The following KIF5B variants were observed in gnomAD, a reference collection of about 807,000 sequenced individuals.
KIF5B encodes kinesin family member 5B.
KIF5B carries 49 observed loss-of-function variants against 132.8 expected under a neutral mutation model. That is an observed-to-expected ratio of 0.37 (90% CI 0.29 to 0.47). The LOEUF (loss-of-function observed/expected upper bound fraction) is 0.47. KIF5B is among the 20% of genes least tolerant of loss of function. The pLI is 1.00. For missense variants in KIF5B, 780 were observed against 1,144.0 expected, an observed-to-expected ratio of 0.68 and a Z score of 4.59; for synonymous variants, 355 against 369.4, an observed-to-expected ratio of 0.96 and a Z score of 0.45.
chr10:32,017,212 CTTG>C lies in KIF5B; in HGVS notation c.2689_2691del (p.Gln897del). ...ACTGCTTCCTTTATGCGATCTACTT[CTTG>C]CTGATAGCGTTTGCGATCACGAGAT... On this transcript the variant is annotated inframe_deletion, in exon 24 of 26. Coordinates refer to ENST00000302418, the MANE Select transcript of KIF5B (RefSeq NM_004521.3). 1 of 1,614,248 alleles carries C rather than the reference CTTG, an allele frequency of 6.2e-7. No homozygotes were observed. The highest frequency in any genetic ancestry group is 8.5e-7 in the Non-Finnish European group (1 of 1,180,052).
At position 32,034,769 on chromosome 10, in the gene KIF5B, A is replaced by G. The variant is rs1171185515; in HGVS notation, c.1032T>C (p.Tyr344=). Residue 344 remains tyrosine (Y), a synonymous_variant, in exon 11 of 26, where the codon TAT becomes TAC. Coordinates refer to ENST00000302418, the MANE Select transcript of KIF5B (RefSeq NM_004521.3). ...TCTTATTTTTTTCTTTTTCTTTTTCATACTTCTTTTTCCACTGTTCTGCAG... is the reference window on the plus strand; with the variant it reads ...TCTTATTTTTTTCTTTTTCTTTTTCGTACTTCTTTTTCCACTGTTCTGCAG... ...ELTAEQWKKK[Y]EKEKEKNKIL... is the part of the protein sequence containing the mutation. The G allele has an allele frequency of 2.5e-6, 4 of 1,610,162 alleles. No individual in the cohort carries two copies. The highest frequency in any genetic ancestry group is 3.4e-6 in the Non-Finnish European group (4 of 1,178,330).
At chr10:32,042,552 A>T (rs1352071352) in intron 2 of KIF5B, among the ~76,000 whole-genome samples, 1 of 152,174 alleles carries the variant, frequency 6.6e-6, no homozygotes, top group Non-Finnish European at 1.5e-5. Flanking sequence ...CTGTCAACTC[A>T]AAGTCAGGAC....
At chr10:32,013,509 C>CA (rs1841113502) in intron 25 of KIF5B, among the ~76,000 whole-genome samples, 1 of 152,112 alleles carries the variant, frequency 6.6e-6, no homozygotes. Flanking sequence ...GGTGCTCATT[C>CA]AAGATCAGAA....
intron 1 of KIF5B, among the ~76,000 whole-genome samples, chr10:32,055,235 G>C (rs1000677310): frequency 2.6e-5 from 4 of 151,046 alleles, no homozygotes; most frequent in African/African-American, 9.7e-5. Flanking sequence ...TTTGCCATTT[G>C]TAGTTGTTAA....
intron 1 of KIF5B, among the ~76,000 whole-genome samples, chr10:32,055,202 C>T (rs1841737516): frequency 6.6e-6 from 1 of 151,646 alleles, no homozygotes; most frequent in South Asian, 2.1e-4. Context: ...AAAAGCTCAA[C>T]TATTTCTTTC....
At position 32,018,528 on chromosome 10, in the gene KIF5B, CTT is replaced by C. The variant is rs1440545091; in HGVS notation, c.2339_2340del (p.Gln780ArgfsTer32). On this transcript the variant is annotated frameshift_variant, in exon 21 of 26. Transcript: ENST00000302418. LOFTEE classifies it high-confidence loss of function. ...VMQDRREQAR[Q>X]DLKGLEETVA... ...ACTGTCTCTTCCAAACCCTTCAAGTCTTGTCTTGCTTGTTCTCGTCTATCTTG... is the reference window on the plus strand; with the variant it reads ...ACTGTCTCTTCCAAACCCTTCAAGTCGTCTTGCTTGTTCTCGTCTATCTTG... 1.2e-6 allele frequency: 2 copies of C among 1,613,450 alleles called. No homozygotes were observed. Among genetic ancestry groups the C allele is most frequent in the Non-Finnish European group, 8.5e-7 (1 of 1,179,626 alleles).
intron 25 of KIF5B, among the ~76,000 whole-genome samples, chr10:32,015,299 G>T (rs982264106): frequency 1.3e-5 from 2 of 151,952 alleles, no homozygotes; most frequent in Non-Finnish European, 2.9e-5. Context: ...ATTACAAATG[G>T]TCCAATGCTA....
At chr10:32,030,315 G>A (rs750344078) in intron 14 of KIF5B, among the ~76,000 whole-genome samples, 38 of 152,094 alleles carry the variant, frequency 2.5e-4, no homozygotes, top group African/African-American at 4.8e-4. Flanking sequence ...TCAGGAGCTC[G>A]AGACCAGCCT....
chr10:32,053,210 A>AT (rs1841715057), intron 1 of KIF5B, among the ~76,000 whole-genome samples: 1 of 152,158 alleles, frequency 6.6e-6, no homozygotes, highest in African/African-American at 2.4e-5. Flanking sequence ...TTACCCACAG[A>AT]TTTTCCAATT....
intron 1 of KIF5B, among the ~76,000 whole-genome samples, chr10:32,052,574 A>AT (rs998649797): frequency 5.3e-5 from 8 of 152,098 alleles, no homozygotes; most frequent in Non-Finnish European, 1.0e-4. Flanking sequence ...GATAGATGTA[A>AT]TTTTTTTATT....
rs777615546 is a variant in KIF5B at position 32,035,635 on chromosome 10, T to G, written c.849A>C (p.Thr283=). 1 of 1,613,016 alleles carries G rather than the reference T, an allele frequency of 6.2e-7. No individual in the cohort carries two copies. The highest frequency in any genetic ancestry group is 8.5e-7 in the Non-Finnish European group (1 of 1,179,368). Residue 283 remains threonine (T), a synonymous_variant, in exon 10 of 26, where the codon ACA becomes ACC. Coordinates refer to ENST00000302418, the MANE Select transcript of KIF5B (RefSeq NM_004521.3). ...CACCTAATGAATCTTGAAGGATTCTTGTCATTTTACTATCTCGATATGGAA... is the reference window on the plus strand; with the variant it reads ...CACCTAATGAATCTTGAAGGATTCTGGTCATTTTACTATCTCGATATGGAA... The part of the protein sequence containing the change: ...TYVPYRDSKM[T]RILQDSLGGN...
chr10:32,056,143 A>G lies in KIF5B; in HGVS notation c.-170T>C, dbSNP rs770077652. ...GCGGCCGGGGAGCCGGGACTTGAAG[A>G]GCCGGCGCCGGCAGCCGTTAACCCT... On this transcript the variant is annotated 5_prime_UTR_variant, in exon 1 of 26. Coordinates refer to ENST00000302418, the MANE Select transcript of KIF5B (RefSeq NM_004521.3). The G allele has an allele frequency of 3.0e-3, 2,127 of 704,794 alleles. 5 individuals carry two copies. The highest frequency in any genetic ancestry group is 3.6e-3 in the Non-Finnish European group (1,617 of 443,080). The allele number at this position is 704,794 out of a possible 1,614,324, so 43.7% of individuals were successfully genotyped here.
At chr10:32,024,436 G>A (rs1323668109) in intron 15 of KIF5B, among the ~76,000 whole-genome samples, 5 of 149,376 alleles carry the variant, frequency 3.3e-5, no homozygotes, top group African/African-American at 4.9e-5. Flanking sequence ...TTACAGGCGT[G>A]AGCCACCGCG....
chr10:32,017,773 G>C (rs927025457), intron 23 of KIF5B, among the ~76,000 whole-genome samples: 2 of 152,154 alleles, frequency 1.3e-5, no homozygotes, highest in African/African-American at 4.8e-5. Flanking sequence ...GTGTAGTAGA[G>C]ATTTCAAAAT....
At chr10:32,038,089 G>T (rs545070415) in intron 6 of KIF5B, 74 bp downstream of exon 6, 1 of 866,000 alleles carries the variant, frequency 1.2e-6, no homozygotes, top group South Asian at 1.7e-5. Context: ...CAGCCTGGGC[G>T]ACAGAGTGAG....
Position 32,056,070 on chromosome 10 carries a change from G to C in KIF5B, c.-97C>G, listed in dbSNP as rs1841759314. The C allele has an allele frequency of 1.4e-6, 2 of 1,451,920 alleles. No individual in the cohort carries two copies. The highest frequency in any genetic ancestry group is 1.4e-5 in the African/African-American group (1 of 70,232). The allele number at this position is 1,451,920 out of a possible 1,614,324, so 89.9% of individuals were successfully genotyped here. On this transcript the variant is annotated 5_prime_UTR_variant, in exon 1 of 26. Coordinates refer to ENST00000302418, the MANE Select transcript of KIF5B (RefSeq NM_004521.3). The stretch of plus-strand genomic sequence containing the variant: ...CTGAGGGCTTGTGGTCGCGAGGGCC[G>C]TGAGAGGCAGCAGTCAGCTGCGCCG...
In KIF5B at chr10:32,056,226, G is replaced by A; in HGVS notation, c.-253C>T. 2 of 470,014 alleles carry A rather than the reference G, an allele frequency of 4.3e-6. No individual in the cohort carries two copies. The highest frequency in any genetic ancestry group is 7.5e-6 in the Non-Finnish European group (2 of 267,930). 29.1% of individuals were successfully genotyped at this position (470,014 alleles called of 1,614,324 possible). ...GGCGGCGGCAGCGGCGGCGGCACCG[G>A]GGAGAGCGTCCGCGGCTCCTCAGCG... On this transcript the variant is annotated 5_prime_UTR_variant, in exon 1 of 26. Coordinates refer to ENST00000302418, the MANE Select transcript of KIF5B (RefSeq NM_004521.3).
chr10:32,018,625 G>C, intron 20 of KIF5B, 63 bp from the exon 21 acceptor site: 1 of 1,206,324 alleles, frequency 8.3e-7, no homozygotes, highest in Non-Finnish European at 1.2e-6. Flanking sequence ...CTTAGCATGA[G>C]AGTTGAATAA....
intron 1 of KIF5B, 145 bp downstream of exon 1, chr10:32,055,703 G>T: frequency 9.0e-7 from 1 of 1,105,636 alleles, no homozygotes; most frequent in Non-Finnish European, 1.3e-6. Context: ...TCCCTCCACT[G>T]GGTTATCTGA....
Sources: gnomAD v4.1 joint callset for allele counts (sites outside exome capture counted in the v4.1 genomes callset) on GRCh38, gnomAD v4.1.1 for gene constraint, MANE v1.5 for transcripts, NCBI Gene and HGNC (gene_info 2026-07-23, HGNC 2026-07-21) for gene names.